Variants in PCDH15 observed in about 807,000 individuals in gnomAD.
PCDH15 encodes protocadherin related 15.
In PCDH15, 129 loss-of-function variants were observed where a neutral mutation model predicts 178.5. The observed-to-expected ratio is 0.72, with a 90% CI of 0.63 to 0.84. The LOEUF (loss-of-function observed/expected upper bound fraction) is 0.84. Among genes scored for constraint, PCDH15 ranks in the 40% least tolerant of loss-of-function variants. PCDH15 has a pLI of 0.00. For synonymous variants in PCDH15, 800 were observed against 732.0 expected (o/e 1.09, Z -1.50); for missense variants, 2,230 against 2,099.9 (o/e 1.06, Z -1.21).
At chr10:55,183,738 T>G (rs895625235) in intron 1 of PCDH15, among the ~76,000 whole-genome samples, 1 of 151,718 alleles carries the variant, frequency 6.6e-6, no homozygotes, top group African/African-American at 2.4e-5. Context: ...TCCAGCAGAA[T>G]GTAATTTGGT....
chr10:54,228,034 T>C (rs2053640805), intron 9 of PCDH15, among the ~76,000 whole-genome samples: 1 of 152,184 alleles, frequency 6.6e-6, no homozygotes, highest in South Asian at 2.1e-4. Context: ...TCCTATCTTC[T>C]ACAGAGCCCT....
intron 2 of PCDH15, among the ~76,000 whole-genome samples, chr10:55,463,104 A>C (rs1839715314): frequency 6.6e-6 from 1 of 151,942 alleles, no homozygotes; most frequent in Non-Finnish European, 1.5e-5. Flanking sequence ...AAGAGAAAAA[A>C]AAAAAAACAA....
chr10:54,165,684 A>G (rs2046153181), intron 13 of PCDH15, among the ~76,000 whole-genome samples: 1 of 152,162 alleles, frequency 6.6e-6, no homozygotes, highest in Non-Finnish European at 1.5e-5. Flanking sequence ...GCTTTAACCC[A>G]TCGATTTAAG....
intron 3 of PCDH15, among the ~76,000 whole-genome samples, chr10:54,832,160 A>G (rs1003616941): frequency 4.6e-5 from 7 of 152,108 alleles, no homozygotes; most frequent in African/African-American, 1.7e-4. Context: ...CTAGTTGCAC[A>G]GCTGATGTCC....
chr10:54,358,741 G>T (rs1945479060), intron 5 of PCDH15, among the ~76,000 whole-genome samples: 1 of 152,052 alleles, frequency 6.6e-6, no homozygotes, highest in African/African-American at 2.4e-5. Flanking sequence ...ATTCACAATA[G>T]CAAAGACTTG....
At chr10:55,542,636 G>T (rs929425460) in intron 2 of PCDH15, among the ~76,000 whole-genome samples, 2 of 138,866 alleles carry the variant, frequency 1.4e-5, no homozygotes, top group African/African-American at 5.3e-5. Context: ...GGTACATACA[G>T]ACATATGTAT....
At chr10:55,597,231 A>G (rs1589165775) in intron 2 of PCDH15, 1 of 152,162 alleles carries the variant, frequency 6.6e-6, no homozygotes, top group African/African-American at 2.4e-5. Flanking sequence ...CATAACAATC[A>G]ATACACGTTC....
intron 1 of PCDH15, among the ~76,000 whole-genome samples, chr10:55,284,442 T>C (rs1423394912): frequency 6.6e-6 from 1 of 152,106 alleles, no homozygotes; most frequent in African/African-American, 2.4e-5. Context: ...AGGGTATGTA[T>C]CACTCAGAAT....
chr10:54,053,871 G>T (rs991301956), intron 18 of PCDH15, among the ~76,000 whole-genome samples: 2 of 152,092 alleles, frequency 1.3e-5, no homozygotes, highest in Non-Finnish European at 2.9e-5. Flanking sequence ...TAACTCACAG[G>T]CTGTAGCAAT....
intron 3 of PCDH15, among the ~76,000 whole-genome samples, chr10:54,515,284 C>T (rs1046700629): frequency 1.3e-5 from 2 of 152,200 alleles, no homozygotes; most frequent in Non-Finnish European, 2.9e-5. Context: ...CTTAATACTG[C>T]ACTTTTCCAA....
chr10:55,235,770 G>A (rs1278232443), intron 1 of PCDH15, among the ~76,000 whole-genome samples: 2 of 151,812 alleles, frequency 1.3e-5, no homozygotes, highest in Non-Finnish European at 2.9e-5. Context: ...AGCCGGGCGC[G>A]GTGGCATGTA....
At chr10:55,583,339 T>G (rs1203893315) in intron 2 of PCDH15, among the ~76,000 whole-genome samples, 1 of 152,212 alleles carries the variant, frequency 6.6e-6, no homozygotes, top group Non-Finnish European at 1.5e-5. Context: ...TTCCATTAAT[T>G]TATATAGCTT....
At chr10:55,548,077 C>A (rs1841928854) in intron 2 of PCDH15, among the ~76,000 whole-genome samples, 3 of 151,794 alleles carry the variant, frequency 2.0e-5, no homozygotes, top group Admixed American at 6.6e-5. Flanking sequence ...AATGAAAAAT[C>A]CAGATGAAAG....
At chr10:54,466,710 T>C (rs1589562732) in intron 3 of PCDH15, among the ~76,000 whole-genome samples, 1 of 152,038 alleles carries the variant, frequency 6.6e-6, no homozygotes, top group East Asian at 1.9e-4. Context: ...AAAATTGCCA[T>C]TGGCGTTTTG....
At chr10:54,231,615 A>G (rs887535525) in intron 9 of PCDH15, among the ~76,000 whole-genome samples, 3 of 152,226 alleles carry the variant, frequency 2.0e-5, no homozygotes, top group Admixed American at 6.5e-5. Flanking sequence ...GCACCTGGAA[A>G]AGGCACAAGC....
chr10:54,413,255 G>A (rs1185942223), intron 3 of PCDH15, among the ~76,000 whole-genome samples: 2 of 152,026 alleles, frequency 1.3e-5, no homozygotes, highest in Non-Finnish European at 2.9e-5. Flanking sequence ...ATAATACATG[G>A]TTGGCTATCT....
intron 2 of PCDH15, among the ~76,000 whole-genome samples, chr10:55,584,880 T>C (rs558192831): frequency 2.6e-5 from 4 of 151,542 alleles, no homozygotes; most frequent in African/African-American, 7.2e-5. Context: ...ATAAATTATA[T>C]GTAGATGAAT....
At chr10:55,580,528 T>C (rs2132119627) in intron 2 of PCDH15, among the ~76,000 whole-genome samples, 1 of 152,148 alleles carries the variant, frequency 6.6e-6, no homozygotes, top group African/African-American at 2.4e-5. Flanking sequence ...CAGCTAATTT[T>C]TGTATTTTTA....
chr10:55,074,934 G>A (rs1208587130), intron 2 of PCDH15, among the ~76,000 whole-genome samples: 1 of 152,076 alleles, frequency 6.6e-6, no homozygotes, highest in African/African-American at 2.4e-5. Context: ...TCCTATGGAT[G>A]GCTAGCCATT....
Sources: gnomAD v4.1 joint callset for allele counts (sites outside exome capture counted in the v4.1 genomes callset) on GRCh38, gnomAD v4.1.1 for gene constraint, MANE v1.5 for transcripts, NCBI Gene and HGNC (gene_info 2026-07-23, HGNC 2026-07-21) for gene names.